TTC7B: variants seen among roughly 807,000 people sequenced by gnomAD.
The protein encoded by TTC7B is tetratricopeptide repeat protein 7B.
Under a neutral mutation model 106.8 loss-of-function variants are expected in TTC7B, and 28 were observed. The observed-to-expected ratio is 0.26, with a 90% confidence interval of 0.19 to 0.36. The LOEUF is 0.36. TTC7B is among the 10% of genes least tolerant of loss of function. The pLI is 1.00. For missense variants in TTC7B, 862 were observed against 1,076.4 expected, an observed-to-expected ratio of 0.80 and a Z score of 2.79; for synonymous variants, 405 against 430.6, an observed-to-expected ratio of 0.94 and a Z score of 0.74.
intron 1 of TTC7B, 36 bp downstream of exon 1, chr14:90,816,139 C>T (rs2031174153): frequency 1.0e-5 from 11 of 1,094,174 alleles, no homozygotes; most frequent in South Asian, 2.3e-5. Context: ...GGCCGCGGCG[C>T]CCCCCGCAGC....
intron 15 of TTC7B, among the ~76,000 whole-genome samples, chr14:90,642,972 T>C (rs925657587): frequency 3.3e-5 from 5 of 152,282 alleles, no homozygotes; most frequent in African/African-American, 1.2e-4. Flanking sequence ...GAGTTCAACA[T>C]CACTTCTGCC....
At chr14:90,722,416 C>T (rs1258635651) in intron 5 of TTC7B, among the ~76,000 whole-genome samples, 1 of 152,112 alleles carries the variant, frequency 6.6e-6, no homozygotes, top group Non-Finnish European at 1.5e-5. Flanking sequence ...AATGAACTAC[C>T]CTGTTCTTGA....
Position 90,546,996 on chromosome 14 carries a change from G to A in TTC7B, c.2311-5407C>T, listed in dbSNP as rs529564363. Among the ~76,000 whole-genome samples, 3 of 152,298 alleles carry A rather than the reference G, an allele frequency of 2.0e-5. No individual in the cohort carries two copies. In the South Asian group the frequency reaches 6.2e-4, roughly 32 times the overall value. ...TGTGCTGCGTGTGCCCTTGATACTG[G>A]GCCCTCTCCCCTCCCCTGTGTGTGG... is the stretch of plus-strand genomic sequence containing the variant. On this transcript the variant is annotated intron_variant, in intron 19 of 19. Transcript: ENST00000328459.
rs992338239 is a variant in TTC7B at position 90,540,705 on chromosome 14, A to G, written c.*663T>C. On this transcript the variant is annotated 3_prime_UTR_variant, in exon 20 of 20. Coordinates refer to ENST00000328459, the MANE Select transcript of TTC7B (RefSeq NM_001010854.2). ...AGCTTCTTTGTACATATTTCCCTCG[A>G]TAAATAAACTCTGAATTCACATAAA... 3.3e-5 allele frequency: 5 copies of G among 153,784 alleles called. No individual in the cohort carries two copies. Among genetic ancestry groups the G allele is most frequent in the Non-Finnish European group, 5.9e-5 (4 of 68,044 alleles). 9.5% of individuals were successfully genotyped at this position (153,784 alleles called of 1,614,324 possible).
intron 4 of TTC7B, among the ~76,000 whole-genome samples, chr14:90,741,307 GAA>G (rs1364539688): frequency 1.3e-5 from 2 of 152,242 alleles, no homozygotes; most frequent in East Asian, 3.9e-4. Flanking sequence ...GCACAATTAT[GAA>G]AAGTCACTGG....
intron 3 of TTC7B, among the ~76,000 whole-genome samples, chr14:90,777,672 C>T (rs1891076950): frequency 6.6e-6 from 1 of 152,172 alleles, no homozygotes; most frequent in Non-Finnish European, 1.5e-5. Flanking sequence ...AGCAGCCTCC[C>T]CTTAAAAATC....
intron 18 of TTC7B, among the ~76,000 whole-genome samples, chr14:90,587,717 A>C (rs975091832): frequency 2.6e-5 from 4 of 152,122 alleles, no homozygotes; most frequent in African/African-American, 9.7e-5. Context: ...TGTCTTCATA[A>C]CCATAGGACT....
chr14:90,729,022 G>A (rs1889222475), intron 5 of TTC7B, among the ~76,000 whole-genome samples: 1 of 152,240 alleles, frequency 6.6e-6, no homozygotes, highest in African/African-American at 2.4e-5. Flanking sequence ...GAATGCAAGA[G>A]CATCTTTGTG....
chr14:90,749,537 C>G (rs1202102988), intron 3 of TTC7B, among the ~76,000 whole-genome samples: 4 of 151,552 alleles, frequency 2.6e-5, no homozygotes, highest in African/African-American at 9.7e-5. Flanking sequence ...TCCCGAGTAG[C>G]TGGGATTGCA....
At position 90,539,373 on chromosome 14, in the gene TTC7B, T is replaced by C; in HGVS notation, c.*1995A>G. 6.5e-6 allele frequency: 1 copy of C among 152,716 alleles called. No individual in the cohort carries two copies. The highest frequency in any genetic ancestry group is 1.5e-5 in the Non-Finnish European group (1 of 68,312). The allele number at this position is 152,716 out of a possible 1,614,324, so 9.5% of individuals were successfully genotyped here. A position where few individuals can be genotyped will look rare whatever the true frequency, so the allele number is the denominator to read the frequency against. On this transcript the variant is annotated 3_prime_UTR_variant, in exon 20 of 20. Coordinates refer to ENST00000328459, the MANE Select transcript of TTC7B (RefSeq NM_001010854.2). The stretch of plus-strand genomic sequence containing the variant: ...CTTCCTGGTCCTGATCCAGTGGGCC[T>C]TGCCCCACGCTCCCGCATGGGATGG...
At chr14:90,640,855 C>T (rs78535214) in intron 15 of TTC7B, among the ~76,000 whole-genome samples, 13,080 of 152,208 alleles carry the variant, frequency 0.086, 664 homozygotes, top group East Asian at 0.16. Context: ...GTGACTTGCT[C>T]AAGGTCACAC....
At chr14:90,630,811 T>A (rs1884664188) in intron 15 of TTC7B, among the ~76,000 whole-genome samples, 1 of 151,944 alleles carries the variant, frequency 6.6e-6, no homozygotes, top group Non-Finnish European at 1.5e-5. Flanking sequence ...GGTACATCCA[T>A]CAGAATGTCC....
At chr14:90,801,541 C>A (rs2030270371) in intron 1 of TTC7B, among the ~76,000 whole-genome samples, 1 of 152,084 alleles carries the variant, frequency 6.6e-6, no homozygotes, top group South Asian at 2.1e-4. Context: ...AGAGTGGAGC[C>A]ATTTTACCAT....
chr14:90,577,427 G>T lies in TTC7B; in HGVS notation c.2310+679C>A, dbSNP rs1484574182. ...ACACGGCCAGGTGGCCGGCTCCAGG[G>T]TCTCTCAAGAATGATCCATGGCAAG... On this transcript the variant is annotated intron_variant, in intron 19 of 19. Coordinates refer to ENST00000328459, the MANE Select transcript of TTC7B (RefSeq NM_001010854.2). The surrounding 1 kb of genome is among the most constrained non-coding windows in gnomAD (Gnocchi z 5.0). 6.6e-6 allele frequency among the ~76,000 whole-genome samples: 1 copy of T among 152,218 alleles called. No homozygotes were observed.
chr14:90,735,628 G>T (rs1275026450), intron 4 of TTC7B, among the ~76,000 whole-genome samples: 6 of 152,042 alleles, frequency 3.9e-5, no homozygotes, highest in Admixed American at 2.6e-4. Flanking sequence ...GAAGGCCAAG[G>T]TGGGTGGATC....
intron 1 of TTC7B, among the ~76,000 whole-genome samples, chr14:90,794,327 A>C (rs111861135): frequency 0.043 from 6,392 of 150,226 alleles, 186 homozygotes; most frequent in Non-Finnish European, 0.058. Context: ...CCCGGGTTCA[A>C]GTGATTCTCC....
chr14:90,560,776 G>A (rs1303823308), intron 19 of TTC7B, among the ~76,000 whole-genome samples: 3 of 152,214 alleles, frequency 2.0e-5, no homozygotes. Flanking sequence ...GTGTGTGGGC[G>A]TCTGAGTGGC....
At chr14:90,716,509 C>T (rs1888662012) in intron 5 of TTC7B, among the ~76,000 whole-genome samples, 1 of 152,206 alleles carries the variant, frequency 6.6e-6, no homozygotes, top group African/African-American at 2.4e-5. Flanking sequence ...TCAGAGAATG[C>T]TTCTGTTCAT....
At position 90,780,803 on chromosome 14, in the gene TTC7B, T is replaced by C; in HGVS notation, c.380A>G (p.Asp127Gly). Residue 127 changes from aspartate to glycine, a missense_variant, in exon 3 of 20, where the codon GAT becomes GGT. Transcript: ENST00000328459. ...LNIYARVGLDDLPLTAVPPYR... is the reference protein window; with the variant it reads ...LNIYARVGLDGLPLTAVPPYR... ...GGGCGGGACAGCTGTCAGTGGCAGA[T>C]CGTCCAGGCCCACCCGGGCGTAAAT... The C allele has an allele frequency of 6.2e-7, 1 of 1,614,296 alleles. No individual in the cohort carries two copies. The highest frequency in any genetic ancestry group is 1.1e-5 in the South Asian group (1 of 91,088).
Sources: allele counts gnomAD v4.1 joint callset (sites outside exome capture counted in the v4.1 genomes callset), GRCh38; gene constraint gnomAD v4.1.1; non-coding constraint Gnocchi (gnomAD v3.1); transcripts MANE v1.5; gene names NCBI Gene and HGNC (gene_info 2026-07-23, HGNC 2026-07-21).